PTPRT: variants seen among roughly 807,000 people sequenced by gnomAD.
The protein encoded by PTPRT is protein tyrosine phosphatase receptor type T.
In PTPRT, 56 loss-of-function variants were observed where a neutral mutation model predicts 176.8. The ratio of observed to expected loss-of-function variants is 0.32; its 90% CI spans 0.26 to 0.40. The LOEUF (loss-of-function observed/expected upper bound fraction) is 0.40, where lower values mean the gene tolerates loss of function less well. PTPRT is among the 10% of genes least tolerant of loss of function. The probability of loss-of-function intolerance (pLI) is 1.00; values close to 1 mark genes in which losing one functional copy is unlikely to be tolerated. For synonymous variants in PTPRT, 783 were observed against 739.0 expected, an observed-to-expected ratio of 1.06 and a Z score of -0.96; for missense variants, 1,540 against 1,908.2, an observed-to-expected ratio of 0.81 and a Z score of 3.60.
At chr20:42,798,519 A>AT (rs1345663597) in intron 2 of PTPRT, among the ~76,000 whole-genome samples, 6 of 152,200 alleles carry the variant, frequency 3.9e-5, no homozygotes, top group Admixed American at 1.3e-4. Context: ...TATTCTTATT[A>AT]TCTATGAAAG....
At chr20:42,237,644 A>G (rs2056272404) in intron 14 of PTPRT, among the ~76,000 whole-genome samples, 1 of 152,254 alleles carries the variant, frequency 6.6e-6, no homozygotes, top group African/African-American at 2.4e-5. Flanking sequence ...CACTGGCTTC[A>G]ATCTCTTTCC....
chr20:42,195,888 T>G (rs2146660265), intron 16 of PTPRT, among the ~76,000 whole-genome samples: 1 of 152,340 alleles, frequency 6.6e-6, no homozygotes, highest in South Asian at 2.1e-4. Flanking sequence ...CTAATTAGAT[T>G]TCACTGGATA....
At chr20:42,688,975 G>C (rs1398781904) in intron 6 of PTPRT, among the ~76,000 whole-genome samples, 1 of 152,200 alleles carries the variant, frequency 6.6e-6, no homozygotes, top group Admixed American at 6.5e-5. Flanking sequence ...TACAGGCTGG[G>C]AAGTGGCAGG....
chr20:42,441,694 A>G (rs1004556113), intron 9 of PTPRT, among the ~76,000 whole-genome samples: 3 of 152,146 alleles, frequency 2.0e-5, no homozygotes, highest in Non-Finnish European at 4.4e-5. Flanking sequence ...ATGCGGCCTG[A>G]CCTGTGTCTA....
intron 7 of PTPRT, among the ~76,000 whole-genome samples, chr20:42,619,977 C>A (rs1468007361): frequency 1.3e-5 from 2 of 149,638 alleles, no homozygotes; most frequent in Non-Finnish European, 3.0e-5. Flanking sequence ...TGTTCCGTTG[C>A]TGGTGAGGAA....
intron 1 of PTPRT, among the ~76,000 whole-genome samples, chr20:42,886,505 C>T (rs929218208): frequency 3.9e-5 from 6 of 152,152 alleles, no homozygotes; most frequent in South Asian, 2.1e-4. Flanking sequence ...TTTCTCAGTG[C>T]CCACCTGTTT....
Position 42,429,174 on chromosome 20 carries a change from C to A in PTPRT, c.1560+19046G>T, listed in dbSNP as rs150030627. Among the ~76,000 whole-genome samples the A allele has an allele frequency of 7.5e-3, 1,136 of 152,208 alleles. 1 individual carries two copies. Among genetic ancestry groups the A allele is most frequent in the South Asian group, 0.018 (88 of 4,810 alleles). ...TCAGTATTAAATGGGGATAGTGATC[C>A]TTACCTTGAAGGGCTGAGACAAAAT... On this transcript the variant is annotated intron_variant, in intron 9 of 30. Coordinates refer to ENST00000373187, the MANE Select transcript of PTPRT (RefSeq NM_007050.6).
chr20:42,181,062 T>C (rs1332560527), intron 16 of PTPRT, among the ~76,000 whole-genome samples: 4 of 152,222 alleles, frequency 2.6e-5, no homozygotes, highest in Non-Finnish European at 5.9e-5. Context: ...GCATCTAGCA[T>C]AGTCCTTGGC....
intron 2 of PTPRT, among the ~76,000 whole-genome samples, chr20:42,833,396 A>ACC (rs3092600): frequency 6.6e-6 from 1 of 151,066 alleles, no homozygotes; most frequent in African/African-American, 2.4e-5. Context: ...ACATAGCGAG[A>ACC]CCCCCCATCT....
chr20:43,157,702 A>G (rs577982952), intron 1 of PTPRT, among the ~76,000 whole-genome samples: 10 of 152,256 alleles, frequency 6.6e-5, no homozygotes, highest in South Asian at 4.1e-4. Context: ...CAAGTTATAT[A>G]TCGGTCATCT....
chr20:43,073,819 A>T (rs1304606067), intron 1 of PTPRT, among the ~76,000 whole-genome samples: 1 of 151,980 alleles, frequency 6.6e-6, no homozygotes, highest in Admixed American at 6.6e-5. Context: ...TGGCACAATT[A>T]CAGCTCACTG....
At chr20:42,896,963 A>T (rs1365459223) in intron 1 of PTPRT, among the ~76,000 whole-genome samples, 1 of 152,168 alleles carries the variant, frequency 6.6e-6, no homozygotes, top group Admixed American at 6.5e-5. Flanking sequence ...CTGAATATAT[A>T]ATTGAATTTG....
chr20:42,168,140 T>C (rs1032694382), intron 16 of PTPRT, among the ~76,000 whole-genome samples: 1 of 150,122 alleles, frequency 6.7e-6, no homozygotes, highest in African/African-American at 2.5e-5. Context: ...TTCATCCTCA[T>C]TGTCTACACA....
intron 2 of PTPRT, among the ~76,000 whole-genome samples, chr20:42,831,050 C>T (rs1002894462): frequency 4.6e-5 from 7 of 152,104 alleles, no homozygotes; most frequent in Admixed American, 3.9e-4. Context: ...CATATGGAAC[C>T]AAAAGGGCCT....
chr20:43,168,426 A>G (rs917895786), intron 1 of PTPRT, among the ~76,000 whole-genome samples: 1 of 152,208 alleles, frequency 6.6e-6, no homozygotes, highest in African/African-American at 2.4e-5. Context: ...CATTTGAATG[A>G]GACTGACATC....
At chr20:42,047,797 C>T in the PTPRT span, among the ~76,000 whole-genome samples, 1 of 152,142 alleles carries the variant, frequency 6.6e-6, no homozygotes, top group Non-Finnish European at 1.5e-5. Context: ...AAACCCATGG[C>T]TATTACCTTT....
chr20:43,091,485 CTCTCTATT>C (rs2011858306), intron 1 of PTPRT, among the ~76,000 whole-genome samples: 1 of 146,214 alleles, frequency 6.8e-6, no homozygotes. Flanking sequence ...CTCTCTCTCT[CTCTCTATT>C]TCTCTCTCTC....
At chr20:42,365,696 G>A (rs1283191407) in intron 9 of PTPRT, among the ~76,000 whole-genome samples, 1 of 152,124 alleles carries the variant, frequency 6.6e-6, no homozygotes, top group African/African-American at 2.4e-5. Context: ...ATCTCATAAT[G>A]TTTTAAGAAA....
chr20:42,298,649 G>A (rs373920744), intron 12 of PTPRT, among the ~76,000 whole-genome samples: 4 of 152,154 alleles, frequency 2.6e-5, no homozygotes, highest in Non-Finnish European at 5.9e-5. Context: ...TGTGCCGGGC[G>A]CGGTGGCTCA....
Sources: gnomAD v4.1 joint callset for allele counts (sites outside exome capture counted in the v4.1 genomes callset) on GRCh38, gnomAD v4.1.1 for gene constraint, MANE v1.5 for transcripts, NCBI Gene and HGNC (gene_info 2026-07-23, HGNC 2026-07-21) for gene names.